Variants in GRM7 observed in about 807,000 individuals in gnomAD.
The protein encoded by GRM7 is metabotropic glutamate receptor 7.
Under a neutral mutation model 84.5 loss-of-function variants are expected in GRM7, and 35 were observed. The ratio of observed to expected loss-of-function variants is 0.41; its 90% CI spans 0.32 to 0.55. GRM7 has a LOEUF of 0.55. Among genes scored for constraint, GRM7 ranks in the 20% least tolerant of loss-of-function variants. GRM7 has a pLI of 0.19. For synonymous variants in GRM7, 487 were observed against 455.1 expected, an observed-to-expected ratio of 1.07 and a Z score of -0.89; for missense variants, 1,003 against 1,194.6, an observed-to-expected ratio of 0.84 and a Z score of 2.36.
chr3:7,269,446 C>G (rs975890483), intron 2 of GRM7, among the ~76,000 whole-genome samples: 4 of 3,798 alleles, frequency 1.1e-3, no homozygotes, highest in Non-Finnish European at 1.5e-3. Context: ...ATGCCTGAAC[C>G]CCCCCCCCAG....
In GRM7 at chr3:7,567,747, C is replaced by CAAAAAAAAAAAAAAAAA. The variant is rs1176146756; in HGVS notation, c.1516-10653_1516-10637dup. 6.5e-5 allele frequency among the ~76,000 whole-genome samples: 3 copies of CAAAAAAAAAAAAAAAAA among 45,824 alleles called. 1 individual carries two copies. Among genetic ancestry groups the CAAAAAAAAAAAAAAAAA allele is most frequent in the South Asian group, 1.2e-3 (1 of 858 alleles). The allele number at this position is 45,824 out of a possible 152,430, so 30.1% of individuals were successfully genotyped here. A position where few individuals can be genotyped will look rare whatever the true frequency, so the allele number is the denominator to read the frequency against. On this transcript the variant is annotated intron_variant, in intron 7 of 9. Coordinates refer to ENST00000357716, the MANE Select transcript of GRM7 (RefSeq NM_000844.4). ...TGGGTGACAGAGTGAGACTCCATCT[C>CAAAAAAAAAAAAAAAAA]AAAAAAAAAAAAAAAAAAAAAAAAA...
At position 7,188,893 on chromosome 3, in the gene GRM7, G is replaced by T. The variant is rs1205949505; in HGVS notation, c.736+42225G>T. On this transcript the variant is annotated intron_variant, in intron 2 of 9. Coordinates refer to ENST00000357716, the MANE Select transcript of GRM7 (RefSeq NM_000844.4). The surrounding 1 kb of genome is among the most constrained non-coding windows in gnomAD (Gnocchi z 4.2). ...GCTTCTTAACACCTACGGTTTTAAA[G>T]AAATGCACAAATATTGTATTAAGTT... Among the ~76,000 whole-genome samples, 3 of 152,180 alleles carry T rather than the reference G, an allele frequency of 2.0e-5. No individual in the cohort carries two copies. Among genetic ancestry groups the T allele is most frequent in the South Asian group, 2.1e-4 (1 of 4,830 alleles).
At chr3:7,063,420 G>A (rs1022259563) in intron 1 of GRM7, among the ~76,000 whole-genome samples, 3 of 151,684 alleles carry the variant, frequency 2.0e-5, no homozygotes, top group African/African-American at 7.3e-5. Context: ...GTTAGAGAGA[G>A]GATAAGCTGG....
chr3:7,464,059 C>A (rs977309515), intron 7 of GRM7, among the ~76,000 whole-genome samples: 1 of 152,146 alleles, frequency 6.6e-6, no homozygotes, highest in Non-Finnish European at 1.5e-5. Context: ...TCAGAGCCAT[C>A]TGGAGGGCTT....
chr3:7,328,405 A>G (rs763896744), intron 4 of GRM7, among the ~76,000 whole-genome samples: 1 of 152,162 alleles, frequency 6.6e-6, no homozygotes, highest in Non-Finnish European at 1.5e-5. Context: ...CTTAACAATT[A>G]GTATTTTAGC....
chr3:7,254,286 C>G (rs1698119305), intron 2 of GRM7, among the ~76,000 whole-genome samples: 1 of 152,172 alleles, frequency 6.6e-6, no homozygotes, highest in Non-Finnish European at 1.5e-5. Flanking sequence ...CCCATTTTCA[C>G]TTTGCACTGG....
At chr3:7,494,793 C>G (rs1310464869) in intron 7 of GRM7, among the ~76,000 whole-genome samples, 1 of 152,108 alleles carries the variant, frequency 6.6e-6, no homozygotes, top group Admixed American at 6.6e-5. Flanking sequence ...TCACTGGGTT[C>G]TTTTTCATAA....
intron 1 of GRM7, among the ~76,000 whole-genome samples, chr3:7,108,991 A>AT (rs1230065090): frequency 3.9e-5 from 6 of 151,992 alleles, no homozygotes; most frequent in Non-Finnish European, 7.4e-5. Flanking sequence ...GTTTTTATTT[A>AT]TTTTTTCTTA....
At chr3:7,469,581 C>T (rs913484478) in intron 7 of GRM7, among the ~76,000 whole-genome samples, 2 of 151,862 alleles carry the variant, frequency 1.3e-5, no homozygotes, top group African/African-American at 4.8e-5. Context: ...CCACCTACTT[C>T]TCTACACTTT....
At chr3:7,219,358 T>C (rs1696722580) in intron 2 of GRM7, among the ~76,000 whole-genome samples, 1 of 152,324 alleles carries the variant, frequency 6.6e-6, no homozygotes, top group South Asian at 2.1e-4. Flanking sequence ...CTGGAATAAA[T>C]GTGTTTAGTT....
intron 9 of GRM7, among the ~76,000 whole-genome samples, chr3:7,691,822 G>A (rs1401449581): frequency 1.3e-5 from 2 of 151,926 alleles, no homozygotes; most frequent in Non-Finnish European, 2.9e-5. Context: ...CACCATGCCT[G>A]GCTAATTTTT....
intron 1 of GRM7, among the ~76,000 whole-genome samples, chr3:7,091,261 A>G (rs1698654342): frequency 6.6e-6 from 1 of 152,112 alleles, no homozygotes; most frequent in Admixed American, 6.6e-5. Flanking sequence ...CAACCCATGA[A>G]CTTGCTAAAT....
intron 2 of GRM7, among the ~76,000 whole-genome samples, chr3:7,154,351 T>G (rs1238356566): frequency 6.6e-6 from 1 of 152,170 alleles, no homozygotes; most frequent in Non-Finnish European, 1.5e-5. Flanking sequence ...TCTCCCAGGC[T>G]ATGGATTGTC....
intron 8 of GRM7, among the ~76,000 whole-genome samples, chr3:7,649,280 A>T (rs1698815899): frequency 6.6e-6 from 1 of 152,028 alleles, no homozygotes; most frequent in African/African-American, 2.4e-5. Context: ...CGTGTTAGCC[A>T]GGATAGTCCC....
chr3:7,686,060 A>G (rs1343876352), intron 9 of GRM7, among the ~76,000 whole-genome samples: 1 of 152,196 alleles, frequency 6.6e-6, no homozygotes, highest in Admixed American at 6.5e-5. Context: ...CAAGAAGAAG[A>G]AAATAATGCT....
intron 4 of GRM7, among the ~76,000 whole-genome samples, chr3:7,378,071 T>A (rs552178122): frequency 1.3e-5 from 2 of 152,162 alleles, no homozygotes; most frequent in Non-Finnish European, 2.9e-5. Flanking sequence ...CTGACTCTAA[T>A]CTCATTTCTA....
At chr3:7,302,111 G>C (rs545660091) in intron 3 of GRM7, among the ~76,000 whole-genome samples, 34 of 151,740 alleles carry the variant, frequency 2.2e-4, no homozygotes, top group Admixed American at 1.6e-3. Flanking sequence ...TTCAATAAAA[G>C]GAACCCTTAC....
chr3:6,881,055 G>C (rs1695490010), intron 1 of GRM7, among the ~76,000 whole-genome samples: 1 of 152,180 alleles, frequency 6.6e-6, no homozygotes, highest in African/African-American at 2.4e-5. Flanking sequence ...CCTGTACATT[G>C]TCTCAAAAAG....
At chr3:6,997,631 A>T (rs1694869708) in intron 1 of GRM7, among the ~76,000 whole-genome samples, 1 of 152,160 alleles carries the variant, frequency 6.6e-6, no homozygotes, top group South Asian at 2.1e-4. Flanking sequence ...ACAATTCAAG[A>T]TGAGAGGTGG....
Sources: allele counts gnomAD v4.1 joint callset (sites outside exome capture counted in the v4.1 genomes callset), GRCh38; gene constraint gnomAD v4.1.1; non-coding constraint Gnocchi (gnomAD v3.1); transcripts MANE v1.5; gene names NCBI Gene and HGNC (gene_info 2026-07-23, HGNC 2026-07-21).